KIF2C: variants seen among roughly 807,000 people sequenced by gnomAD.
KIF2C encodes the protein kinesin family member 2C.
Under a neutral mutation model 97.4 loss-of-function variants are expected in KIF2C, and 34 were observed. The observed-to-expected ratio is 0.35, with a 90% confidence interval of 0.27 to 0.46. The LOEUF is 0.46. Among genes scored for constraint, KIF2C ranks in the 20% least tolerant of loss-of-function variants. KIF2C has a pLI of 1.00. For missense variants in KIF2C, 750 were observed against 907.6 expected (o/e 0.83, Z 2.23); for synonymous variants, 313 against 318.2 (o/e 0.98, Z 0.17).
In KIF2C at chr1:44,739,856, G is replaced by T; in HGVS notation, c.-77G>T. ...GGATTTAAACTGCGGCGGTTTACGC[G>T]GCGTTAAGACTTCGTAGGGTTAGCG... On this transcript the variant is annotated 5_prime_UTR_variant, in exon 1 of 21. Transcript: ENST00000372224. The T allele has an allele frequency of 3.0e-6, 4 of 1,315,824 alleles. No individual in the cohort carries two copies. The highest frequency in any genetic ancestry group is 4.4e-6 in the Non-Finnish European group (4 of 910,556). 81.5% of individuals were successfully genotyped at this position (1,315,824 alleles called of 1,614,324 possible).
intron 6 of KIF2C, 80 bp from the exon 7 acceptor site, chr1:44,753,653 A>G: frequency 2.1e-6 from 2 of 930,550 alleles, no homozygotes; most frequent in Non-Finnish European, 3.3e-6. Context: ...CTCAGTAAAT[A>G]GCCAGAGAAG....
intron 1 of KIF2C, among the ~76,000 whole-genome samples, chr1:44,740,328 C>T (rs1648870507): frequency 6.6e-6 from 1 of 152,202 alleles, no homozygotes; most frequent in African/African-American, 2.4e-5. Context: ...CTTATGGGGA[C>T]CTCGGTCTCC....
chr1:44,762,272 C>A, intron 17 of KIF2C, 74 bp from the exon 18 acceptor site: 1 of 1,352,648 alleles, frequency 7.4e-7, no homozygotes, highest in Non-Finnish European at 1.1e-6. Context: ...AGCCTCGAAG[C>A]CTGGGCGGTG....
In KIF2C at chr1:44,760,782, G is replaced by A; in HGVS notation, c.1683+80G>A. Reference sequence around the variant, plus strand: ...ACAGAGACACTTAGTCCTGTCCCTGGGCTGGAAGCTCAGCACTGCTGGCTG... The same window carrying A: ...ACAGAGACACTTAGTCCTGTCCCTGAGCTGGAAGCTCAGCACTGCTGGCTG... On this transcript the variant is annotated intron_variant, in intron 16 of 20. Transcript: ENST00000372224. This position sits in a 1 kb window ranked among gnomAD's most constrained non-coding sequence, Gnocchi z 4.2. 8.3e-7 allele frequency: 1 copy of A among 1,201,428 alleles called. No individual in the cohort carries two copies. Among genetic ancestry groups the A allele is most frequent in the Non-Finnish European group, 1.2e-6 (1 of 822,846 alleles). The allele number at this position is 1,201,428 out of a possible 1,614,324, so 74.4% of individuals were successfully genotyped here.
At position 44,753,839 on chromosome 1, in the gene KIF2C, T is replaced by C; in HGVS notation, c.663+6T>C. On this transcript the variant is annotated splice_donor_region_variant and intron_variant, in intron 7 of 20. Coordinates refer to ENST00000372224, the MANE Select transcript of KIF2C (RefSeq NM_006845.4). ...TGAGAATGAAGAGAGCTCAGGTACCTTTCTTGGGAGACTAGGGTAAGGGTT... is the reference window on the plus strand; with the variant it reads ...TGAGAATGAAGAGAGCTCAGGTACCCTTCTTGGGAGACTAGGGTAAGGGTT... 1 of 1,578,072 alleles carries C rather than the reference T, an allele frequency of 6.3e-7. No homozygotes were observed. The highest frequency in any genetic ancestry group is 8.6e-7 in the Non-Finnish European group (1 of 1,156,238).
rs1386538410 is a variant in KIF2C at position 44,747,441 on chromosome 1, C to T, written c.223C>T (p.His75Tyr). Residue 75 changes from histidine (H) to tyrosine (Y), a missense_variant, in exon 3 of 21, where the codon CAT becomes TAT. Transcript: ENST00000372224. ...NPELLQLLPL[H>Y]PKDNLPLQEN... is the part of the protein sequence containing the mutation. ...AGAACTCTTACAGCTTCTTCCCTTACATCCGAAGGACAATCTGCCCTTGCA... is the reference window on the plus strand; with the variant it reads ...AGAACTCTTACAGCTTCTTCCCTTATATCCGAAGGACAATCTGCCCTTGCA... The T allele has an allele frequency of 3.1e-6, 5 of 1,610,172 alleles. No individual in the cohort carries two copies. Among genetic ancestry groups the T allele is most frequent in the Non-Finnish European group, 4.2e-6 (5 of 1,179,128 alleles).
intron 10 of KIF2C, 78 bp downstream of exon 10, chr1:44,756,315 T>C (rs1649829630): frequency 7.1e-7 from 1 of 1,400,318 alleles, no homozygotes; most frequent in Non-Finnish European, 1.0e-6. Context: ...GTAACACTAC[T>C]CACAGACGTG....
At chr1:44,751,568 A>C (rs1284220921) in intron 5 of KIF2C, among the ~76,000 whole-genome samples, 7 of 139,094 alleles carry the variant, frequency 5.0e-5, no homozygotes, top group Non-Finnish European at 9.1e-5. Context: ...GAGGGCAATG[A>C]CGCTATCTTG....
intron 4 of KIF2C, among the ~76,000 whole-genome samples, chr1:44,748,466 G>T (rs936060890): frequency 2.4e-4 from 37 of 152,180 alleles, no homozygotes; most frequent in Non-Finnish European, 4.3e-4. Flanking sequence ...TGTACCGTAA[G>T]GTCATGCAGG....
intron 7 of KIF2C, 125 bp downstream of exon 7, chr1:44,753,958 C>CCTTTT (rs1649674479): frequency 1.5e-5 from 1 of 66,714 alleles, no homozygotes; most frequent in Admixed American, 2.3e-4. Flanking sequence ...GGCCCCAATT[C>CCTTTT]TTTTTTTTTT....
intron 7 of KIF2C, among the ~76,000 whole-genome samples, chr1:44,754,185 T>G (rs551981036): frequency 6.6e-6 from 1 of 152,022 alleles, no homozygotes. Context: ...CCTTCCAAAG[T>G]GCTGGGATTG....
At chr1:44,744,889 T>A (rs1221400853) in intron 2 of KIF2C, among the ~76,000 whole-genome samples, 3 of 141,730 alleles carry the variant, frequency 2.1e-5, no homozygotes, top group African/African-American at 8.1e-5. Context: ...GGCGACAGAG[T>A]GAGATTCCGT....
chr1:44,762,209 TTCTC>T, intron 17 of KIF2C, 133 bp from the exon 18 acceptor site: 1 of 933,068 alleles, frequency 1.1e-6, no homozygotes, highest in Non-Finnish European at 1.8e-6. Context: ...AGCTTTAGTT[TTCTC>T]TCTCCTTGGC....
chr1:44,747,670 G>A lies in KIF2C; in HGVS notation c.286G>A (p.Val96Ile), dbSNP rs200728333. 35 of 1,613,674 alleles carry A rather than the reference G, an allele frequency of 2.2e-5. No individual in the cohort carries two copies. The highest frequency in any genetic ancestry group is 6.7e-5 in the African/African-American group (5 of 75,034). Residue 96 changes from valine to isoleucine, a missense_variant, in exon 4 of 21, where the codon GTC becomes ATC. Coordinates refer to ENST00000372224, the MANE Select transcript of KIF2C (RefSeq NM_006845.4). ...TTTTCAGAAACAAAAACGGAGATCC[G>A]TCAACTCCAAAATTCCTGCTCCAAA... is the stretch of plus-strand genomic sequence containing the variant. The part of the protein sequence containing the change: ...VTIQKQKRRS[V>I]NSKIPAPKES...
At chr1:44,765,052 G>T (rs1170095526) in intron 19 of KIF2C, among the ~76,000 whole-genome samples, 1 of 152,080 alleles carries the variant, frequency 6.6e-6, no homozygotes, top group Admixed American at 6.6e-5. Context: ...CCCAGGAGGC[G>T]AAGGTTATAG....
intron 1 of KIF2C, 96 bp downstream of exon 1, chr1:44,740,098 C>T (rs1573545179): frequency 7.2e-7 from 1 of 1,380,210 alleles, no homozygotes; most frequent in Non-Finnish European, 1.0e-6. Flanking sequence ...CTTTCACTCT[C>T]TTTCTCTCCC....
Position 44,741,830 on chromosome 1 carries a change from A to T in KIF2C, c.165+823A>T, listed in dbSNP as rs1648949255. Among the ~76,000 whole-genome samples, 2 of 151,840 alleles carry T rather than the reference A, an allele frequency of 1.3e-5. 1 individual carries two copies. The highest frequency in any genetic ancestry group is 4.2e-4 in the South Asian group (2 of 4,818). On this transcript the variant is annotated intron_variant, in intron 2 of 20. Transcript: ENST00000372224. ...CATGACAAAACCTCATTTCTACAAA[A>T]AATACAAAAAACATTAGCCGGGCAT... is the stretch of plus-strand genomic sequence containing the variant.
At chr1:44,759,063 C>A in intron 13 of KIF2C, 143 bp from the exon 14 acceptor site, 1 of 1,043,288 alleles carries the variant, frequency 9.6e-7, no homozygotes, top group Non-Finnish European at 1.4e-6. Context: ...TTGACCTCTG[C>A]TAGGCTGACA....
intron 19 of KIF2C, among the ~76,000 whole-genome samples, chr1:44,764,069 CTG>C (rs1449452517): frequency 1.3e-5 from 2 of 151,946 alleles, no homozygotes; most frequent in South Asian, 2.1e-4. Context: ...CTAGACCAAA[CTG>C]TGTCCGTGTT....
Sources: allele counts gnomAD v4.1 joint callset (sites outside exome capture counted in the v4.1 genomes callset), GRCh38; gene constraint gnomAD v4.1.1; non-coding constraint Gnocchi (gnomAD v3.1); transcripts MANE v1.5; gene names NCBI Gene and HGNC (gene_info 2026-07-23, HGNC 2026-07-21).